Variants in ITIH3 observed in about 807,000 individuals in gnomAD.
ITIH3 encodes the protein inter-alpha-trypsin inhibitor heavy chain 3.
In ITIH3, 81 loss-of-function variants were observed where a neutral mutation model predicts 96.5. The ratio of observed to expected loss-of-function variants is 0.84; its 90% CI spans 0.70 to 1.01. The LOEUF is 1.01. Among genes scored for constraint, ITIH3 ranks in the 50% least tolerant of loss-of-function variants. The pLI is 0.00. For missense variants in ITIH3, 1,057 were observed against 1,139.3 expected, an observed-to-expected ratio of 0.93 and a Z score of 1.04; for synonymous variants, 422 against 445.2, an observed-to-expected ratio of 0.95 and a Z score of 0.66.
Position 52,797,124 on chromosome 3 carries a change from G to A in ITIH3, c.406G>A (p.Glu136Lys), listed in dbSNP as rs373083153. The A allele has an allele frequency of 2.5e-6, 4 of 1,609,674 alleles. No homozygotes were observed. The African/African-American group carries it at 5.3e-5, about 21-fold the overall frequency. Residue 136 changes from glutamate (E) to lysine (K), a missense_variant, in exon 5 of 22, where the codon GAG becomes AAG. Transcript: ENST00000449956. ...GLVKASGRKL[E>K]KFTVSVNVAA... ...GGTCAGGGCCTCTGGGAGGAAGTTG[G>A]AGAAGTTCACAGTCTCGGTCAACGT...
intron 8 of ITIH3, 112 bp from the exon 9 acceptor site, chr3:52,799,641 A>G: frequency 8.2e-7 from 1 of 1,220,158 alleles, no homozygotes; most frequent in South Asian, 1.5e-5. Flanking sequence ...TTCTGTGGCA[A>G]GCCTCAGGCA....
intron 15 of ITIH3, 116 bp from the exon 16 acceptor site, chr3:52,805,692 A>G (rs997619645): frequency 1.1e-5 from 17 of 1,546,206 alleles, no homozygotes; most frequent in African/African-American, 1.4e-5. Flanking sequence ...CTCCACCTCT[A>G]TCTGCCAGTG....
At chr3:52,805,763 A>G in intron 15 of ITIH3, 45 bp from the exon 16 acceptor site, 1 of 1,610,630 alleles carries the variant, frequency 6.2e-7, no homozygotes. Flanking sequence ...GCTGGGGGAG[A>G]AGGAACCCCT....
intron 5 of ITIH3, 53 bp from the exon 6 acceptor site, chr3:52,797,764 G>A (rs968692654): frequency 3.2e-5 from 37 of 1,165,280 alleles, no homozygotes; most frequent in Non-Finnish European, 4.3e-5. Context: ...CCTTGTTCTG[G>A]GAACTGGCCT....
chr3:52,795,722 A>C, intron 2 of ITIH3, 99 bp downstream of exon 2: 1 of 1,195,342 alleles, frequency 8.4e-7, no homozygotes. Context: ...CTGACTCCTC[A>C]CAGCTGGCAA....
At position 52,800,623 on chromosome 3, in the gene ITIH3, C is replaced by T. The variant is rs1313809703; in HGVS notation, c.1161C>T (p.Thr387=). 6.3e-6 allele frequency: 10 copies of T among 1,588,704 alleles called. No homozygotes were observed. Among genetic ancestry groups the T allele is most frequent in the South Asian group, 4.6e-5 (4 of 86,708 alleles). The change falls in exon 10 of 22, where the codon ACC becomes ACT. Residue 387 remains threonine, a synonymous_variant. Coordinates refer to ENST00000449956, the MANE Select transcript of ITIH3 (RefSeq NM_002217.4). ...REEHRIPERS[T]SIVIMLTDGD... ...AGCACAGAATCCCAGAGAGGAGCAC[C>T]TCCATTGTCATCATGCTGACTGATG...
intron 8 of ITIH3, 68 bp from the exon 9 acceptor site, chr3:52,799,685 G>A (rs918884043): frequency 2.2e-5 from 32 of 1,483,912 alleles, no homozygotes; most frequent in Middle Eastern, 2.0e-4. Flanking sequence ...GGGCTGCACC[G>A]CCTGCTGAGC....
chr3:52,799,140 G>T lies in ITIH3; in HGVS notation c.789+49G>T, dbSNP rs115574139. 5.1e-4 allele frequency: 816 copies of T among 1,601,566 alleles called. 2 individuals carry two copies. In the African/African-American group the frequency reaches 9.1e-3, roughly 18 times the overall value. ...ATCAGGGTGGGGCGAGGGCTGGTCG[G>T]GCGGGGGCTGCAGCTGGATCTAGTG... On this transcript the variant is annotated intron_variant, in intron 7 of 21. Coordinates refer to ENST00000449956, the MANE Select transcript of ITIH3 (RefSeq NM_002217.4).
chr3:52,808,478 T>C, intron 21 of ITIH3, 74 bp from the exon 22 acceptor site: 5 of 1,577,834 alleles, frequency 3.2e-6, no homozygotes, highest in Non-Finnish European at 3.5e-6. Context: ...CCACCCTTTT[T>C]CAATCTCAGG....
chr3:52,801,045 G>A lies in ITIH3; in HGVS notation c.1282G>A (p.Gly428Ser), dbSNP rs780084680. The change falls in exon 11 of 22, where the codon GGC (glycine) becomes AGC (serine). Residue 428 changes from glycine to serine, a missense_variant. Transcript: ENST00000449956. Reference sequence around the variant, plus strand: ...GTTCCCCTTGTATAACCTGGGCTTTGGCAACAATCTGAATTATAACTTCCT... The same window carrying A: ...GTTCCCCTTGTATAACCTGGGCTTTAGCAACAATCTGAATTATAACTTCCT... ...GKFPLYNLGF[G>S]NNLNYNFLEN... The A allele has an allele frequency of 6.2e-7, 1 of 1,613,818 alleles. No individual in the cohort carries two copies. Among genetic ancestry groups the A allele is most frequent in the South Asian group, 1.1e-5 (1 of 91,032 alleles).
rs1666972933 is a variant in ITIH3, at chr3:52,795,812, C to T, written c.114+189C>T. 3 of 575,036 alleles carry T rather than the reference C, an allele frequency of 5.2e-6. No individual in the cohort carries two copies. In the South Asian group the frequency reaches 7.2e-5, roughly 14 times the overall value. 35.6% of individuals were successfully genotyped at this position (575,036 alleles called of 1,614,324 possible). A position where few individuals can be genotyped will look rare whatever the true frequency, so the allele number is the denominator to read the frequency against. ...AGAGCACCACAGAGTGACGACCCCTCCAACCTCGCAGGATGTAGCCCAAGA... is the reference window on the plus strand; with the variant it reads ...AGAGCACCACAGAGTGACGACCCCTTCAACCTCGCAGGATGTAGCCCAAGA... On this transcript the variant is annotated intron_variant, in intron 2 of 21. Coordinates refer to ENST00000449956, the MANE Select transcript of ITIH3 (RefSeq NM_002217.4).
rs755475666 is a variant in ITIH3 at position 52,807,097 on chromosome 3, G to A, written c.2253G>A (p.Thr751=). 77 of 1,589,424 alleles carry A rather than the reference G, an allele frequency of 4.8e-5. No individual in the cohort carries two copies. The highest frequency in any genetic ancestry group is 5.8e-5 in the Non-Finnish European group (68 of 1,168,310). ...GCTGGCTGGACACAGTCACAGTCAC[G>A]CAGGATGGGTAAGCTCCCCTACAAG... ...TFSWLDTVTV[T]QDGLSMMINR... Residue 751 remains threonine (T), a synonymous_variant, in exon 19 of 22, where the codon ACG becomes ACA. Transcript: ENST00000449956.
chr3:52,796,551 T>G lies in ITIH3; in HGVS notation c.185T>G (p.Val62Gly). ...SKVTSRFAHN[V>G]VTMRAVNRAD... ...GTGACCTCCCGTTTTGCTCACAATGTTGTCACCATGAGAGCCGTCAACCGT... is the reference window on the plus strand; with the variant it reads ...GTGACCTCCCGTTTTGCTCACAATGGTGTCACCATGAGAGCCGTCAACCGT... The change falls in exon 3 of 22, where the codon GTT (valine) becomes GGT (glycine). Residue 62 changes from valine (V) to glycine (G), a missense_variant. Physicochemically the swap from Val to Gly is moderately radical, Grantham distance 109. Coordinates refer to ENST00000449956, the MANE Select transcript of ITIH3 (RefSeq NM_002217.4). 1 of 1,613,688 alleles carries G rather than the reference T, an allele frequency of 6.2e-7. No individual in the cohort carries two copies. Among genetic ancestry groups the G allele is most frequent in the Non-Finnish European group, 8.5e-7 (1 of 1,179,802 alleles).
chr3:52,808,444 T>C, intron 21 of ITIH3, 108 bp from the exon 22 acceptor site: 1 of 1,450,390 alleles, frequency 6.9e-7, no homozygotes, highest in Non-Finnish European at 9.6e-7. Context: ...CAAAGAATTC[T>C]GGGCTGTTAG....
chr3:52,800,939 A>T (rs1303550009), intron 10 of ITIH3, 26 bp from the exon 11 acceptor site: 30 of 1,613,684 alleles, frequency 1.9e-5, no homozygotes, highest in Non-Finnish European at 2.3e-5. Flanking sequence ...CTGGGGCTGG[A>T]CTGTGAACAC....
chr3:52,796,117 G>C (rs1264979474), intron 2 of ITIH3: 2 of 262,566 alleles, frequency 7.6e-6, no homozygotes, highest in Admixed American at 5.0e-5. Flanking sequence ...GTGTGCTTGA[G>C]GGAGTGTGAG....
At chr3:52,799,953 T>C in intron 9 of ITIH3, 32 bp downstream of exon 9, 1 of 1,598,180 alleles carries the variant, frequency 6.3e-7, no homozygotes, top group Non-Finnish European at 8.5e-7. Context: ...ACACACCTCC[T>C]AGCGGTGCCT....
intron 15 of ITIH3, chr3:52,805,480 A>G (rs755732704): frequency 1.8e-6 from 2 of 1,129,066 alleles, no homozygotes; most frequent in East Asian, 5.2e-5. Context: ...ACTCACCCCA[A>G]CTAGGGGGTG....
chr3:52,803,020 G>A (rs1699895635), intron 13 of ITIH3, among the ~76,000 whole-genome samples: 1 of 152,216 alleles, frequency 6.6e-6, no homozygotes, highest in Admixed American at 6.5e-5. Context: ...GCCTGGGAGT[G>A]CCCCGGGGTA....
Sources: gnomAD v4.1 joint callset for allele counts (sites outside exome capture counted in the v4.1 genomes callset) on GRCh38, gnomAD v4.1.1 for gene constraint, MANE v1.5 for transcripts, NCBI Gene and HGNC (gene_info 2026-07-23, HGNC 2026-07-21) for gene names.